Variants in SEZ6L observed in about 807,000 individuals in gnomAD.
SEZ6L encodes the protein seizure related 6 homolog like.
In SEZ6L, 37 loss-of-function variants were observed where a neutral mutation model predicts 106.2. The observed-to-expected ratio is 0.35, with a 90% confidence interval of 0.27 to 0.46. The LOEUF (loss-of-function observed/expected upper bound fraction) is 0.46, where lower values mean the gene tolerates loss of function less well. Ranked by LOEUF, SEZ6L falls within the 20% of genes least tolerant of loss-of-function variation. SEZ6L has a pLI of 1.00. For missense variants in SEZ6L, 1,172 were observed against 1,332.8 expected, an observed-to-expected ratio of 0.88 and a Z score of 1.88; for synonymous variants, 541 against 570.4, an observed-to-expected ratio of 0.95 and a Z score of 0.73.
At position 26,310,868 on chromosome 22, in the gene SEZ6L, G is replaced by T. The variant is rs376747482; in HGVS notation, c.1681+32G>T. 25 of 1,606,022 alleles carry T rather than the reference G, an allele frequency of 1.6e-5. No individual in the cohort carries two copies. In the Admixed American group the frequency reaches 3.5e-4, roughly 23 times the overall value. On this transcript the variant is annotated intron_variant, in intron 7 of 16. Coordinates refer to ENST00000248933, the MANE Select transcript of SEZ6L (RefSeq NM_021115.5). ...GTCCCTGGGAGCTTCCCTTTCTCTT[G>T]TGGGGCTGGGGGTAGCCTGGGAGCA... is the stretch of plus-strand genomic sequence containing the variant.
At position 26,359,474 on chromosome 22, in the gene SEZ6L, C is replaced by T. The variant is rs78607931; in HGVS notation, c.2600-5898C>T. ...TGTGACCTTTAACACGTTACCCAACCGTTCTGCGCTGCATTCTCCTTGGAT... is the reference window on the plus strand; with the variant it reads ...TGTGACCTTTAACACGTTACCCAACTGTTCTGCGCTGCATTCTCCTTGGAT... On this transcript the variant is annotated intron_variant, in intron 12 of 16. Coordinates refer to ENST00000248933, the MANE Select transcript of SEZ6L (RefSeq NM_021115.5). Among the ~76,000 whole-genome samples the T allele has an allele frequency of 8.3e-3, 1,260 of 152,228 alleles. 12 individuals are homozygous for T. Among genetic ancestry groups the T allele is most frequent in the African/African-American group, 0.029 (1,197 of 41,532 alleles).
chr22:26,305,881 C>G, intron 5 of SEZ6L, 98 bp from the exon 6 acceptor site: 1 of 1,286,368 alleles, frequency 7.8e-7, no homozygotes, highest in Non-Finnish European at 1.1e-6. Flanking sequence ...ATGAAACACT[C>G]ACTTCCTTCT....
intron 1 of SEZ6L, among the ~76,000 whole-genome samples, chr22:26,277,422 T>A (rs1340665479): frequency 1.3e-5 from 2 of 152,182 alleles, no homozygotes; most frequent in Non-Finnish European, 2.9e-5. Flanking sequence ...AAATCCCTGC[T>A]CCATCTGTAC....
intron 13 of SEZ6L, among the ~76,000 whole-genome samples, chr22:26,369,680 A>G (rs1286759860): frequency 6.6e-6 from 1 of 151,548 alleles, no homozygotes; most frequent in Non-Finnish European, 1.5e-5. Context: ...CCTTTTGAAG[A>G]GCAGCGAACA....
intron 1 of SEZ6L, among the ~76,000 whole-genome samples, chr22:26,285,103 G>A (rs1217835813): frequency 6.6e-6 from 1 of 152,108 alleles, no homozygotes; most frequent in Non-Finnish European, 1.5e-5. Context: ...TGCCCCCAAG[G>A]CCACCACCAC....
At chr22:26,192,573 T>TA (rs2145659231) in intron 1 of SEZ6L, among the ~76,000 whole-genome samples, 1 of 152,364 alleles carries the variant, frequency 6.6e-6, no homozygotes, top group African/African-American at 2.4e-5. Flanking sequence ...CTGAGGTTGA[T>TA]ATAACGGTAT....
Position 26,294,359 on chromosome 22 carries a change from C to T in SEZ6L, c.903C>T (p.Pro301=), listed in dbSNP as rs966510634. 2.5e-6 allele frequency: 4 copies of T among 1,614,076 alleles called. No individual in the cohort carries two copies. Among genetic ancestry groups the T allele is most frequent in the African/African-American group, 1.3e-5 (1 of 75,012 alleles). The change falls in exon 3 of 17, where the codon CCC becomes CCT. Residue 301 remains proline (P), a synonymous_variant. Coordinates refer to ENST00000248933, the MANE Select transcript of SEZ6L (RefSeq NM_021115.5). ...YIDSSDYPLL[P]LNNFLECTYN... is the part of the protein sequence containing the mutation. ...ACTCCAGCGACTACCCACTGCTGCC[C>T]CTCAACAACTTTCTGGAGTGCACAT...
chr22:26,220,967 G>C, intron 1 of SEZ6L, among the ~76,000 whole-genome samples: 1 of 129,312 alleles, frequency 7.7e-6, no homozygotes, highest in Admixed American at 7.8e-5. Flanking sequence ...TGGAGGGAAG[G>C]AAGAAAGGAA....
rs566876443 is a variant in SEZ6L at position 26,301,655 on chromosome 22, G to A, written c.1348+2486G>A. Among the ~76,000 whole-genome samples, 195 of 152,178 alleles carry A rather than the reference G, an allele frequency of 1.3e-3. 1 individual carries two copies. The highest frequency in any genetic ancestry group is 9.0e-3 in the South Asian group (43 of 4,804). On this transcript the variant is annotated intron_variant, in intron 5 of 16. Transcript: ENST00000248933. ...ACCTGGGAGGAGGACAGTGATGAGC[G>A]AAGGGTCAGGGAAGGATTACCTGAT...
chr22:26,301,284 C>A (rs1303143712), intron 5 of SEZ6L, among the ~76,000 whole-genome samples: 2 of 152,206 alleles, frequency 1.3e-5, no homozygotes, highest in South Asian at 2.1e-4. Flanking sequence ...ATTTTAAGCA[C>A]CTGTTGGGCG....
rs186617199 is a variant in SEZ6L at position 26,366,070 on chromosome 22, G to A, written c.2794+504G>A. On this transcript the variant is annotated intron_variant, in intron 13 of 16. Transcript: ENST00000248933. ...CTTTTGACCAGGCACAGTAGCTCAC[G>A]CCTGTAATCCCAACACTTTGGGAGG... 1.9e-3 allele frequency among the ~76,000 whole-genome samples: 290 copies of A among 152,178 alleles called. 1 individual carries two copies. Among genetic ancestry groups the A allele is most frequent in the Non-Finnish European group, 2.8e-3 (191 of 67,998 alleles).
At chr22:26,280,480 G>C (rs940573934) in intron 1 of SEZ6L, among the ~76,000 whole-genome samples, 1 of 152,080 alleles carries the variant, frequency 6.6e-6, no homozygotes, top group Admixed American at 6.6e-5. Context: ...GTTTTTGCAC[G>C]AAAGGTAGCA....
At chr22:26,183,919 C>T (rs1939584521) in intron 1 of SEZ6L, among the ~76,000 whole-genome samples, 1 of 152,108 alleles carries the variant, frequency 6.6e-6, no homozygotes, top group Admixed American at 6.5e-5. Context: ...ATAGTCATTT[C>T]TTATGCTTAG....
rs1260798805 is a variant in SEZ6L at position 26,377,720 on chromosome 22, C to G, written c.2990C>G (p.Pro997Arg). The change falls in exon 16 of 17, where the codon CCC becomes CGC. Residue 997 changes from proline (P) to arginine (R), a missense_variant. By Grantham distance (103) the Pro-to-Arg change is moderately radical (BLOSUM62 -2). Transcript: ENST00000248933. ...NLRLPLMYSH[P>R]YSQITVETEF... The stretch of plus-strand genomic sequence containing the variant: ...CGCCTGCCTCTGATGTACTCCCACC[C>G]CTACAGCCAGATCACCGTGGAAACC... 6.2e-7 allele frequency: 1 copy of G among 1,614,066 alleles called. No homozygotes were observed.
intron 1 of SEZ6L, among the ~76,000 whole-genome samples, chr22:26,230,024 C>T (rs1410962962): frequency 1.3e-5 from 2 of 152,234 alleles, no homozygotes; most frequent in African/African-American, 2.4e-5. Flanking sequence ...CTGGGCACAG[C>T]ATCTGAGAAG....
chr22:26,252,100 C>G (rs1004960007), intron 1 of SEZ6L, among the ~76,000 whole-genome samples: 1 of 152,190 alleles, frequency 6.6e-6, no homozygotes, highest in African/African-American at 2.4e-5. Flanking sequence ...GTTAGAAATG[C>G]AGACGCTTGG....
At chr22:26,346,480 T>C (rs565214400) in intron 10 of SEZ6L, among the ~76,000 whole-genome samples, 3 of 152,376 alleles carry the variant, frequency 2.0e-5, no homozygotes, top group African/African-American at 7.2e-5. Flanking sequence ...GTGTCATAGA[T>C]TATACCCCAA....
chr22:26,294,335 C>T lies in SEZ6L; in HGVS notation c.879C>T (p.Asp293=). The change falls in exon 3 of 17, where the codon GAC becomes GAT. Residue 293 remains aspartate, a synonymous_variant. Transcript: ENST00000248933. ...TCTCCAATCCTGAGGGGTACATTGA[C>T]TCCAGCGACTACCCACTGCTGCCCC... ...VSFSNPEGYI[D]SSDYPLLPLN... 1 of 1,614,088 alleles carries T rather than the reference C, an allele frequency of 6.2e-7. No homozygotes were observed. The highest frequency in any genetic ancestry group is 8.5e-7 in the Non-Finnish European group (1 of 1,179,988).
chr22:26,349,770 G>A (rs1186096134), intron 11 of SEZ6L, among the ~76,000 whole-genome samples: 7 of 152,146 alleles, frequency 4.6e-5, no homozygotes, highest in Admixed American at 4.6e-4. Context: ...ACAGGCATGA[G>A]CCACCGCACC....
Sources: allele counts gnomAD v4.1 joint callset (sites outside exome capture counted in the v4.1 genomes callset), GRCh38; gene constraint gnomAD v4.1.1; transcripts MANE v1.5; gene names NCBI Gene and HGNC (gene_info 2026-07-23, HGNC 2026-07-21).